The following CEP295 variants were observed in gnomAD, a reference collection of about 807,000 sequenced individuals.
CEP295 encodes centrosomal protein of 295 kDa.
A neutral mutation model predicts 291.6 loss-of-function variants in CEP295; 190 were observed. The ratio of observed to expected loss-of-function variants is 0.65; its 90% CI spans 0.58 to 0.73. The LOEUF (loss-of-function observed/expected upper bound fraction) is 0.73, where lower values mean the gene tolerates loss of function less well. CEP295 is among the 30% of genes least tolerant of loss of function. The pLI is 0.00. For missense variants in CEP295, 2,863 were observed against 2,949.4 expected, an observed-to-expected ratio of 0.97 and a Z score of 0.68; for synonymous variants, 993 against 1,038.8, an observed-to-expected ratio of 0.96 and a Z score of 0.85.
chr11:93,690,961 T>C (rs1345653822), intron 10 of CEP295, among the ~76,000 whole-genome samples: 1 of 152,184 alleles, frequency 6.6e-6, no homozygotes, highest in African/African-American at 2.4e-5. Context: ...TGGTTCTTCC[T>C]TACCTTTCAA....
intron 1 of CEP295, 53 bp from the exon 2 acceptor site, chr11:93,666,629 G>A (rs1950219006): frequency 2.9e-6 from 2 of 687,754 alleles, no homozygotes; most frequent in South Asian, 4.0e-5. Flanking sequence ...AATCTTTGCT[G>A]CCCTATTTTA....
chr11:93,675,787 A>G (rs914981099), intron 6 of CEP295, 121 bp downstream of exon 6: 53 of 447,724 alleles, frequency 1.2e-4, no homozygotes, highest in Admixed American at 3.5e-4. Flanking sequence ...ATTGATAATA[A>G]TAATCAAAAC....
chr11:93,727,272 T>C lies in CEP295; in HGVS notation c.6796T>C (p.Cys2266Arg). The change falls in exon 24 of 30, where the codon TGC becomes CGC. Residue 2266 changes from cysteine to arginine, a missense_variant. Cys to Arg is a radical substitution (Grantham distance 180, BLOSUM62 -3). Around this residue, in one of 3 missense-constraint regions of CEP295, gnomAD observed 2,295 missense variants for 2,335.7 expected, o/e 0.98. Transcript: ENST00000325212. ...TCCATGTGGTTCTAACTCTAGTGAG[T>C]GCTCAACAAAACACCAACTAGAAAG... ...STPCGSNSSE[C>R]STKHQLESRK... 6.4e-7 allele frequency: 1 copy of C among 1,551,732 alleles called. No individual in the cohort carries two copies. The highest frequency in any genetic ancestry group is 8.7e-7 in the Non-Finnish European group (1 of 1,146,968).
rs1565450413 is a variant in CEP295 at position 93,687,718 on chromosome 11, C to G, written c.1189C>G (p.Gln397Glu). 1 of 1,548,858 alleles carries G rather than the reference C, an allele frequency of 6.5e-7. No individual in the cohort carries two copies. The highest frequency in any genetic ancestry group is 2.0e-5 in the Admixed American group (1 of 50,948). Residue 397 changes from glutamine to glutamate, a missense_variant, in exon 10 of 30, where the codon CAA becomes GAA. By Grantham distance (29) the Gln-to-Glu change is conservative (BLOSUM62 2). Around this residue, in one of 3 missense-constraint regions of CEP295, gnomAD observed 554 missense variants for 576.0 expected, o/e 0.96. Coordinates refer to ENST00000325212, the MANE Select transcript of CEP295 (RefSeq NM_033395.2). The part of the protein sequence containing the change: ...FKKLLNKIRS[Q>E]KSLWTIKSMS... Reference sequence around the variant, plus strand: ...AAAATTATTAAATAAGATCCGAAGCCAAAAATCTCTCTGGACAATTAAATC... The same window carrying G: ...AAAATTATTAAATAAGATCCGAAGCGAAAAATCTCTCTGGACAATTAAATC...
intron 6 of CEP295, among the ~76,000 whole-genome samples, chr11:93,678,392 G>C (rs536445828): frequency 6.6e-6 from 1 of 152,152 alleles, no homozygotes; most frequent in African/African-American, 2.4e-5. Context: ...TTATATTCTT[G>C]ATAAATTTGT....
intron 18 of CEP295, among the ~76,000 whole-genome samples, chr11:93,716,751 G>A (rs746199878): frequency 6.6e-6 from 1 of 152,186 alleles, no homozygotes; most frequent in Non-Finnish European, 1.5e-5. Flanking sequence ...TCATAACTCA[G>A]GATTGCACAT....
At chr11:93,670,613 G>C (rs1308870423) in intron 5 of CEP295, among the ~76,000 whole-genome samples, 1 of 152,060 alleles carries the variant, frequency 6.6e-6, no homozygotes, top group Non-Finnish European at 1.5e-5. Flanking sequence ...AGGCCTTTCA[G>C]TTTGTCAGCC....
chr11:93,675,918 A>C (rs2134876807), intron 6 of CEP295, among the ~76,000 whole-genome samples: 1 of 152,186 alleles, frequency 6.6e-6, no homozygotes, highest in East Asian at 1.9e-4. Flanking sequence ...TTTTATCATA[A>C]AATATTACAT....
chr11:93,674,241 G>C (rs1395215480), intron 5 of CEP295, among the ~76,000 whole-genome samples: 1 of 152,316 alleles, frequency 6.6e-6, no homozygotes, highest in Admixed American at 6.5e-5. Flanking sequence ...GAGATTACAG[G>C]CATGAGCCAC....
In CEP295 at chr11:93,727,100, G is replaced by C; in HGVS notation, c.6624G>C (p.Gln2208His). ...ARDSSQGMKN[Q>H]NYPSEEHTEI... ...ATTCTTCCCAAGGCATGAAAAATCAGAACTATCCCTCTGAAGAACATACTG... is the reference window on the plus strand; with the variant it reads ...ATTCTTCCCAAGGCATGAAAAATCACAACTATCCCTCTGAAGAACATACTG... Residue 2208 changes from glutamine to histidine, a missense_variant, in exon 24 of 30, where the codon CAG becomes CAC. By Grantham distance (24) the Gln-to-His change is conservative (BLOSUM62 0). Around this residue, in one of 3 missense-constraint regions of CEP295, gnomAD observed 2,295 missense variants for 2,335.7 expected, o/e 0.98. Coordinates refer to ENST00000325212, the MANE Select transcript of CEP295 (RefSeq NM_033395.2). 1 of 1,551,584 alleles carries C rather than the reference G, an allele frequency of 6.4e-7. No individual in the cohort carries two copies.
intron 5 of CEP295, among the ~76,000 whole-genome samples, chr11:93,672,331 C>G (rs1474160207): frequency 6.6e-6 from 1 of 152,034 alleles, no homozygotes; most frequent in Non-Finnish European, 1.5e-5. Context: ...ATTGAAAACC[C>G]TGAGATGCTA....
Position 93,696,325 on chromosome 11 carries a change from C to T in CEP295, c.1677C>T (p.Gly559=), listed in dbSNP as rs1419913307. ...KRKKTQPTGV[G]IAPASCPVIS... is the part of the protein sequence containing the mutation. ...GTAACTTTGTCTTTTATTAGGTTGG[C>T]ATTGCTCCAGCATCATGCCCTGTAA... Residue 559 remains glycine (G), a synonymous_variant, in exon 14 of 30, where the codon GGC becomes GGT. Coordinates refer to ENST00000325212, the MANE Select transcript of CEP295 (RefSeq NM_033395.2). The T allele has an allele frequency of 6.5e-7, 1 of 1,541,794 alleles. No individual in the cohort carries two copies. Among genetic ancestry groups the T allele is most frequent in the Admixed American group, 2.0e-5 (1 of 49,944 alleles).
chr11:93,676,527 G>C (rs2134883012), intron 6 of CEP295, among the ~76,000 whole-genome samples: 1 of 151,996 alleles, frequency 6.6e-6, no homozygotes. Flanking sequence ...CTGCTTAATA[G>C]CAGGTATTAA....
intron 4 of CEP295, among the ~76,000 whole-genome samples, chr11:93,669,226 G>A (rs1565428735): frequency 6.6e-6 from 1 of 151,918 alleles, no homozygotes; most frequent in Non-Finnish European, 1.5e-5. Flanking sequence ...GTCTGTTTCC[G>A]ATGTAAACAT....
In CEP295 at chr11:93,700,142, C is replaced by T. The variant is rs1952061751; in HGVS notation, c.5230C>T (p.Gln1744Ter). Residue 1744 changes from glutamine to a stop codon, truncating the protein, a stop_gained, in exon 15 of 30, where the codon CAG (glutamine) becomes TAG (stop). Transcript: ENST00000325212. LOFTEE classifies it high-confidence loss of function. ...ACAAACAGCATTGCAGCAGCAGATA[C>T]AGAAACATGAAGAGACTTTGAAGGA... ...QRQTALQQQI[Q>*]KHEETLKDFF... 1 of 1,551,282 alleles carries T rather than the reference C, an allele frequency of 6.4e-7. No homozygotes were observed. The highest frequency in any genetic ancestry group is 1.4e-5 in the African/African-American group (1 of 73,084).
chr11:93,721,226 A>C (rs1953689900), intron 18 of CEP295, 86 bp from the exon 19 acceptor site: 3 of 731,320 alleles, frequency 4.1e-6, no homozygotes, highest in Admixed American at 2.2e-5. Context: ...AAAGCAGGGA[A>C]TGGTGTCCTG....
At chr11:93,724,056 G>A (rs1289236246) in intron 21 of CEP295, 198 bp from the exon 22 acceptor site, 1 of 397,818 alleles carries the variant, frequency 2.5e-6, no homozygotes, top group African/African-American at 2.1e-5. Flanking sequence ...TTGGACCTTT[G>A]AAATAATCAT....
chr11:93,669,909 G>T, intron 5 of CEP295, 139 bp downstream of exon 5: 2 of 557,926 alleles, frequency 3.6e-6, no homozygotes, highest in Non-Finnish European at 6.4e-6. Context: ...GAGTATATCT[G>T]GAGTATGTTA....
chr11:93,691,978 T>G lies in CEP295; in HGVS notation c.1481T>G (p.Leu494Arg). ...ACTGTAGCTCAGAGTTCAGTTCTACTTCATCCTCAAGAAGCAGCAGCCAGG... is the reference window on the plus strand; with the variant it reads ...ACTGTAGCTCAGAGTTCAGTTCTACGTCATCCTCAAGAAGCAGCAGCCAGG... ...ITTVAQSSVLLHPQEAAARIR... is the reference protein window; with the variant it reads ...ITTVAQSSVLRHPQEAAARIR... Residue 494 changes from leucine (L) to arginine (R), a missense_variant, in exon 12 of 30, where the codon CTT becomes CGT. Physicochemically the swap from Leu to Arg is moderately radical, Grantham distance 102. This residue lies in a region of CEP295 where 554 missense variants were observed against 576.0 expected (regional missense o/e 0.96). Coordinates refer to ENST00000325212, the MANE Select transcript of CEP295 (RefSeq NM_033395.2). 1.3e-6 allele frequency: 2 copies of G among 1,546,368 alleles called. No homozygotes were observed. Among genetic ancestry groups the G allele is most frequent in the Non-Finnish European group, 1.8e-6 (2 of 1,142,238 alleles).
Sources: gnomAD v4.1 joint callset for allele counts (sites outside exome capture counted in the v4.1 genomes callset) on GRCh38, gnomAD v4.1.1 for gene constraint, gnomAD v4.1.1 regional missense constraint, MANE v1.5 for transcripts, NCBI Gene and HGNC (gene_info 2026-07-23, HGNC 2026-07-21) for gene names.